PRTG: variants seen among roughly 807,000 people sequenced by gnomAD.
The protein encoded by PRTG is protogenin, also known as immunoglobulin superfamily, DCC subclass, member 5.
Under a neutral mutation model 122.5 loss-of-function variants are expected in PRTG, and 67 were observed. That is an observed-to-expected ratio of 0.55 (90% CI 0.45 to 0.67). The LOEUF (loss-of-function observed/expected upper bound fraction) is 0.67, where lower values mean the gene tolerates loss of function less well. Among genes scored for constraint, PRTG ranks in the 30% least tolerant of loss-of-function variants. PRTG has a pLI of 0.00. For missense variants in PRTG, 1,435 were observed against 1,415.4 expected (o/e 1.01, Z -0.22); for synonymous variants, 554 against 501.1 (o/e 1.11, Z -1.41).
In PRTG at chr15:55,620,774, A is replaced by G. The variant is rs771315759; in HGVS notation, c.3094-7T>C. On this transcript the variant is annotated splice_region_variant and splice_polypyrimidine_tract_variant and intron_variant, in intron 18 of 19. Transcript: ENST00000389286. ...TTATCAGGTCAGTTCCTCCCTGAGG[A>G]AATAAAAGAGGGGAAATGTAAAATA... 4 of 1,579,650 alleles carry G rather than the reference A, an allele frequency of 2.5e-6. No homozygotes were observed. In the Admixed American group the frequency reaches 8.1e-5, roughly 32 times the overall value.
chr15:55,679,164 T>C, intron 7 of PRTG, 122 bp downstream of exon 7: 1 of 640,252 alleles, frequency 1.6e-6, no homozygotes, highest in Non-Finnish European at 2.6e-6. Context: ...CTTAGTTTAG[T>C]TTCATTTTGT....
At chr15:55,644,620 C>T (rs1330991150) in intron 11 of PRTG, among the ~76,000 whole-genome samples, 11 of 152,112 alleles carry the variant, frequency 7.2e-5, no homozygotes, top group Admixed American at 7.2e-4. Context: ...CTACTGCCCA[C>T]TCAGGACAGA....
chr15:55,738,558 T>A, intron 2 of PRTG: 1 of 699,384 alleles, frequency 1.4e-6, no homozygotes. Context: ...CTACAAACTC[T>A]AAAAGGTGGG....
chr15:55,640,419 T>C (rs4561398), intron 12 of PRTG, among the ~76,000 whole-genome samples: 83,904 of 151,998 alleles, frequency 0.55, 23,899 homozygotes, highest in East Asian at 0.98. Flanking sequence ...TGCGTGACTA[T>C]ATTACTGATA....
At chr15:55,727,533 C>A (rs369450471) in intron 2 of PRTG, among the ~76,000 whole-genome samples, 5 of 152,122 alleles carry the variant, frequency 3.3e-5, no homozygotes, top group African/African-American at 1.2e-4. Context: ...TGGTGGCTCA[C>A]GCCTGTAATC....
intron 12 of PRTG, among the ~76,000 whole-genome samples, 161 bp downstream of exon 12, chr15:55,640,952 C>T (rs2059286689): frequency 2.0e-5 from 3 of 151,362 alleles, no homozygotes; most frequent in Admixed American, 2.0e-4. Context: ...CGGGAGGCAA[C>T]AAACAAACAA....
chr15:55,680,270 C>G, intron 5 of PRTG, 58 bp from the exon 6 acceptor site: 4 of 1,336,476 alleles, frequency 3.0e-6, no homozygotes, highest in Non-Finnish European at 3.2e-6. Flanking sequence ...GAAATTATGT[C>G]AAAAGACCAC....
rs558084588 is a variant in PRTG at position 55,685,612 on chromosome 15, T to A, written c.398-1681A>T. On this transcript the variant is annotated intron_variant, in intron 2 of 19. Coordinates refer to ENST00000389286, the MANE Select transcript of PRTG (RefSeq NM_173814.6). ...CTAACTAAAGAGATATGCACAAATG[T>A]AAAGCAATTCTGCTCCTCTGGCTAA... Among the ~76,000 whole-genome samples, 9 of 152,306 alleles carry A rather than the reference T, an allele frequency of 5.9e-5. 1 individual carries two copies. The highest frequency in any genetic ancestry group is 1.9e-4 in the African/African-American group (8 of 41,578).
At chr15:55,629,568 G>A (rs1474396522) in intron 15 of PRTG, among the ~76,000 whole-genome samples, 2 of 151,966 alleles carry the variant, frequency 1.3e-5, no homozygotes, top group East Asian at 3.9e-4. Context: ...TTATTTTTTA[G>A]AGACAGGGTC....
At position 55,619,571 on chromosome 15, in the gene PRTG, C is replaced by T. The variant is rs1343459815; in HGVS notation, c.*441G>A. 1.2e-5 allele frequency: 2 copies of T among 171,892 alleles called. No individual in the cohort carries two copies. Among genetic ancestry groups the T allele is most frequent in the African/African-American group, 2.4e-5 (1 of 41,588 alleles). The allele number at this position is 171,892 out of a possible 1,614,324, so 10.6% of individuals were successfully genotyped here. ...ACAAATGAGGTAACAAAGTTGTCTTCAGAGTTTGCCGGGAGGCAAACTGAG... is the reference window on the plus strand; with the variant it reads ...ACAAATGAGGTAACAAAGTTGTCTTTAGAGTTTGCCGGGAGGCAAACTGAG... On this transcript the variant is annotated 3_prime_UTR_variant, in exon 20 of 20. Coordinates refer to ENST00000389286, the MANE Select transcript of PRTG (RefSeq NM_173814.6).
At chr15:55,681,465 G>T (rs907100442) in intron 4 of PRTG, 1 of 151,908 alleles carries the variant, frequency 6.6e-6, no homozygotes, top group Admixed American at 6.6e-5. Flanking sequence ...GCATTTTAAT[G>T]AAATATCTAT....
intron 11 of PRTG, among the ~76,000 whole-genome samples, chr15:55,667,607 C>T (rs1595633136): frequency 6.6e-6 from 1 of 152,056 alleles, no homozygotes; most frequent in African/African-American, 2.4e-5. Flanking sequence ...GAAAGGGTAA[C>T]TTAAAAATAT....
intron 15 of PRTG, among the ~76,000 whole-genome samples, chr15:55,633,970 G>A (rs935294268): frequency 1.3e-5 from 2 of 151,502 alleles, no homozygotes; most frequent in East Asian, 3.9e-4. Context: ...TTTCACTACT[G>A]AGCCATCAAT....
At chr15:55,624,270 G>T in intron 18 of PRTG, 72 bp downstream of exon 18, 1 of 1,360,184 alleles carries the variant, frequency 7.4e-7, no homozygotes. Context: ...AATTTTGGGG[G>T]AAGTACATTT....
At chr15:55,637,008 T>C (rs2059261211) in intron 15 of PRTG, among the ~76,000 whole-genome samples, 162 bp downstream of exon 15, 1 of 152,212 alleles carries the variant, frequency 6.6e-6, no homozygotes, top group Non-Finnish European at 1.5e-5. Context: ...TTCTTAAAAT[T>C]GGTGGATGGC....
At chr15:55,623,655 A>C (rs1295196975) in intron 18 of PRTG, among the ~76,000 whole-genome samples, 1 of 152,230 alleles carries the variant, frequency 6.6e-6, no homozygotes, top group Non-Finnish European at 1.5e-5. Flanking sequence ...TTTGCTGACA[A>C]CTGATTTATA....
intron 2 of PRTG, among the ~76,000 whole-genome samples, chr15:55,703,282 A>G (rs2029960393): frequency 6.6e-6 from 1 of 152,218 alleles, no homozygotes; most frequent in South Asian, 2.1e-4. Flanking sequence ...CAGAGGAGAA[A>G]ATAGTTACAG....
At chr15:55,620,894 A>G in intron 18 of PRTG, 127 bp from the exon 19 acceptor site, 1 of 805,086 alleles carries the variant, frequency 1.2e-6, no homozygotes, top group Non-Finnish European at 1.9e-6. Flanking sequence ...ATTTTATTTT[A>G]GATTCAGGGA....
rs547957064 is a variant in PRTG at position 55,669,922 on chromosome 15, T to C, written c.2041+2523A>G. 2.6e-5 allele frequency among the ~76,000 whole-genome samples: 4 copies of C among 152,366 alleles called. No homozygotes were observed. In the East Asian group the frequency reaches 7.7e-4, roughly 29 times the overall value. ...ATTGACAAAATAATTTTCCAGTTTA[T>C]GCATTAGAAGTGATTTTAAATGGAT... On this transcript the variant is annotated intron_variant, in intron 11 of 19. Transcript: ENST00000389286.
Sources: allele counts gnomAD v4.1 joint callset (sites outside exome capture counted in the v4.1 genomes callset), GRCh38; gene constraint gnomAD v4.1.1; transcripts MANE v1.5; gene names NCBI Gene and HGNC (gene_info 2026-07-23, HGNC 2026-07-21).